PLXNA2: variants seen among roughly 807,000 people sequenced by gnomAD.
The protein encoded by PLXNA2 is plexin A2.
Under a neutral mutation model 193.5 loss-of-function variants are expected in PLXNA2, and 91 were observed. The ratio of observed to expected loss-of-function variants is 0.47; its 90% CI spans 0.40 to 0.56. The LOEUF (loss-of-function observed/expected upper bound fraction) is 0.56, where lower values mean the gene tolerates loss of function less well. Ranked by LOEUF, PLXNA2 falls within the 20% of genes least tolerant of loss-of-function variation. The probability of loss-of-function intolerance (pLI) is 0.00; values close to 1 mark genes in which losing one functional copy is unlikely to be tolerated. For synonymous variants in PLXNA2, 997 were observed against 1,027.3 expected (o/e 0.97, Z 0.56); for missense variants, 1,995 against 2,503.2 (o/e 0.80, Z 4.33).
intron 28 of PLXNA2, 21 bp downstream of exon 28, chr1:208,033,298 T>C (rs547548882): frequency 1.2e-6 from 2 of 1,600,908 alleles, no homozygotes; most frequent in African/African-American, 1.3e-5. Flanking sequence ...CACTCCCTGG[T>C]CTGGGCAGAG....
chr1:208,083,232 C>A (rs1482271540), intron 10 of PLXNA2, among the ~76,000 whole-genome samples: 2 of 152,220 alleles, frequency 1.3e-5, no homozygotes, highest in Non-Finnish European at 2.9e-5. Context: ...ATCTCATCAG[C>A]CCTATCGTTA....
chr1:208,198,034 G>A (rs1200168592), intron 3 of PLXNA2, among the ~76,000 whole-genome samples: 1 of 152,142 alleles, frequency 6.6e-6, no homozygotes, highest in Non-Finnish European at 1.5e-5. Context: ...CGCCACATCG[G>A]AGTGCTTAGC....
chr1:208,039,594 C>A, intron 24 of PLXNA2, 27 bp downstream of exon 24: 1 of 1,611,770 alleles, frequency 6.2e-7, no homozygotes, highest in Non-Finnish European at 8.5e-7. Flanking sequence ...GATACACAGG[C>A]GGGCCCGGAG....
At chr1:208,129,786 T>G (rs1348835756) in intron 4 of PLXNA2, among the ~76,000 whole-genome samples, 8 of 152,214 alleles carry the variant, frequency 5.3e-5, no homozygotes. Context: ...ATTTTCCATA[T>G]GTATGTGTGA....
intron 27 of PLXNA2, 46 bp downstream of exon 27, chr1:208,034,447 A>C: frequency 7.8e-7 from 1 of 1,279,940 alleles, no homozygotes; most frequent in Non-Finnish European, 1.1e-6. Context: ...GCTAGGTCTC[A>C]GAAGACTCTG....
chr1:208,032,684 C>T (rs1260249818), intron 28 of PLXNA2, among the ~76,000 whole-genome samples: 3 of 151,728 alleles, frequency 2.0e-5, no homozygotes, highest in Non-Finnish European at 4.4e-5. Flanking sequence ...GATGAAGCCT[C>T]ACTTCCATCA....
rs1667002147 is a variant in PLXNA2 at position 208,098,873 on chromosome 1, G to A, written c.1704C>T (p.Ser568=). The change falls in exon 6 of 32, where the codon AGC becomes AGT. Residue 568 remains serine (S), a synonymous_variant. Transcript: ENST00000367033. ...ACCGGCTGTGCTCAGATACTGAGAT[G>A]CTGCTGGGATGCACTGCAAGGCTCA... ...QCVSLAVHPS[S]ISVSEHSRLL... 1 of 1,613,894 alleles carries A rather than the reference G, an allele frequency of 6.2e-7. No homozygotes were observed. Among genetic ancestry groups the A allele is most frequent in the Non-Finnish European group, 8.5e-7 (1 of 1,179,958 alleles).
chr1:208,154,043 G>A (rs1048692799), intron 3 of PLXNA2, among the ~76,000 whole-genome samples: 1 of 151,896 alleles, frequency 6.6e-6, no homozygotes, highest in Non-Finnish European at 1.5e-5. Context: ...GTGGGGTGGT[G>A]AGTAAGGATT....
chr1:208,078,095 A>C (rs996891429), intron 12 of PLXNA2, among the ~76,000 whole-genome samples: 21 of 152,204 alleles, frequency 1.4e-4, no homozygotes, highest in Non-Finnish European at 2.8e-4. Flanking sequence ...TGGCTCTGCC[A>C]CTTATCAGCG....
intron 4 of PLXNA2, among the ~76,000 whole-genome samples, chr1:208,137,019 C>G (rs926360882): frequency 1.3e-5 from 2 of 152,198 alleles, no homozygotes. Context: ...ATAACATTAT[C>G]AAAACCATAT....
At chr1:208,139,614 T>C (rs1451117463) in intron 4 of PLXNA2, among the ~76,000 whole-genome samples, 2 of 152,230 alleles carry the variant, frequency 1.3e-5, no homozygotes, top group East Asian at 3.8e-4. Context: ...ACTTCAGATA[T>C]GGTGTTATCT....
chr1:208,138,915 A>C (rs1571958478), intron 4 of PLXNA2, among the ~76,000 whole-genome samples: 1 of 152,130 alleles, frequency 6.6e-6, no homozygotes, highest in Admixed American at 6.5e-5. Flanking sequence ...TAATCCCAGC[A>C]ACTCAGGAGG....
In PLXNA2 at chr1:208,027,232, G is replaced by T. The variant is rs776117212; in HGVS notation, c.*11C>A. The T allele has an allele frequency of 6.2e-7, 1 of 1,609,924 alleles. No homozygotes were observed. Among genetic ancestry groups the T allele is most frequent in the South Asian group, 1.1e-5 (1 of 90,998 alleles). On this transcript the variant is annotated 3_prime_UTR_variant, in exon 32 of 32. Coordinates refer to ENST00000367033, the MANE Select transcript of PLXNA2 (RefSeq NM_025179.4). ...CAGGTCCCTCTTCCCAGGAATGCGA[G>T]GCTCCTCCTCTCAGCTCTCAATGGA... is the stretch of plus-strand genomic sequence containing the variant.
In PLXNA2 at chr1:208,216,870, A is replaced by T. The variant is rs1394708500; in HGVS notation, c.1053T>A (p.Asp351Glu). The T allele has an allele frequency of 2.5e-6, 4 of 1,614,116 alleles. No homozygotes were observed. Among genetic ancestry groups the T allele is most frequent in the Non-Finnish European group, 3.4e-6 (4 of 1,180,042 alleles). The change falls in exon 2 of 32, where the codon GAT becomes GAA. Residue 351 changes from aspartate (D) to glutamate (E), a missense_variant. Transcript: ENST00000367033. Reference protein sequence around the residue: ...KGQKQYHHPPDDSALCAFPIR... With the variant: ...KGQKQYHHPPEDSALCAFPIR... ...TAGGGAAGGCACACAGGGCAGAGTCATCGGGCGGGTGGTGATACTGCTTCT... is the reference window on the plus strand; with the variant it reads ...TAGGGAAGGCACACAGGGCAGAGTCTTCGGGCGGGTGGTGATACTGCTTCT...
intron 4 of PLXNA2, among the ~76,000 whole-genome samples, chr1:208,110,494 G>A (rs1021822917): frequency 6.6e-6 from 1 of 152,220 alleles, no homozygotes; most frequent in Non-Finnish European, 1.5e-5. Flanking sequence ...AGTGGACCGA[G>A]CTTGTTGAAT....
intron 1 of PLXNA2, among the ~76,000 whole-genome samples, chr1:208,233,681 C>T (rs546084673): frequency 1.3e-5 from 2 of 152,350 alleles, no homozygotes; most frequent in African/African-American, 2.4e-5. Flanking sequence ...GAGCTCTCTG[C>T]GCCTCCCAGC....
intron 4 of PLXNA2, among the ~76,000 whole-genome samples, chr1:208,139,083 G>C (rs1038044940): frequency 8.5e-5 from 13 of 152,184 alleles, no homozygotes; most frequent in African/African-American, 3.1e-4. Flanking sequence ...AATTGAAAAA[G>C]AGAACACTGC....
intron 3 of PLXNA2, among the ~76,000 whole-genome samples, chr1:208,187,670 C>T (rs1480212682): frequency 6.6e-6 from 1 of 152,198 alleles, no homozygotes; most frequent in Non-Finnish European, 1.5e-5. Context: ...ACTGTTGTTT[C>T]CCTTACTGTT....
chr1:208,078,361 C>T (rs936056732), intron 12 of PLXNA2, among the ~76,000 whole-genome samples: 8 of 152,152 alleles, frequency 5.3e-5, no homozygotes, highest in Non-Finnish European at 1.2e-4. Context: ...TCCCAATATT[C>T]TGTGACATAG....
Sources: allele counts gnomAD v4.1 joint callset (sites outside exome capture counted in the v4.1 genomes callset), GRCh38; gene constraint gnomAD v4.1.1; transcripts MANE v1.5; gene names NCBI Gene and HGNC (gene_info 2026-07-23, HGNC 2026-07-21).